Variants in LRP1B observed in about 807,000 individuals in gnomAD.
LRP1B encodes the protein LDL receptor related protein 1B.
Under a neutral mutation model 556.6 loss-of-function variants are expected in LRP1B, and 217 were observed. The observed-to-expected ratio is 0.39, with a 90% CI of 0.35 to 0.44. LRP1B has a LOEUF of 0.44. Among genes scored for constraint, LRP1B ranks in the 20% least tolerant of loss-of-function variants. The probability of loss-of-function intolerance (pLI) is 1.00; values close to 1 mark genes in which losing one functional copy is unlikely to be tolerated. For synonymous variants in LRP1B, 2,047 were observed against 1,865.8 expected, an observed-to-expected ratio of 1.10 and a Z score of -2.50; for missense variants, 5,053 against 5,620.8, an observed-to-expected ratio of 0.90 and a Z score of 3.23.
intron 2 of LRP1B, among the ~76,000 whole-genome samples, chr2:141,729,001 C>T (rs528370272): frequency 6.6e-6 from 1 of 152,284 alleles, no homozygotes; most frequent in East Asian, 1.9e-4. Context: ...ATCAGTCTCT[C>T]TCAATCAGCA....
At chr2:140,325,102 G>A (rs1680401692) in intron 80 of LRP1B, among the ~76,000 whole-genome samples, 1 of 151,958 alleles carries the variant, frequency 6.6e-6, no homozygotes, top group Admixed American at 6.6e-5. Flanking sequence ...TTGAAGTAGG[G>A]AAAAGAAAGT....
intron 11 of LRP1B, among the ~76,000 whole-genome samples, chr2:141,031,401 A>T (rs2105414790): frequency 6.6e-6 from 1 of 151,944 alleles, no homozygotes; most frequent in East Asian, 1.9e-4. Flanking sequence ...TTAATGATCT[A>T]CCTAATCTTT....
intron 1 of LRP1B, among the ~76,000 whole-genome samples, chr2:141,875,031 C>T (rs1268226414): frequency 1.3e-5 from 2 of 151,546 alleles, no homozygotes; most frequent in Admixed American, 6.6e-5. Flanking sequence ...TGAATAAACA[C>T]CATTATTACT....
intron 2 of LRP1B, among the ~76,000 whole-genome samples, chr2:141,502,619 G>T (rs1299358845): frequency 6.6e-6 from 1 of 152,194 alleles, no homozygotes. Flanking sequence ...CCAGCACTTT[G>T]GGAGGCTGAG....
chr2:140,412,793 C>T (rs1685021307), intron 66 of LRP1B, among the ~76,000 whole-genome samples: 1 of 151,912 alleles, frequency 6.6e-6, no homozygotes, highest in African/African-American at 2.4e-5. Flanking sequence ...TCTATCATAC[C>T]ATTAATATGG....
At chr2:140,990,651 G>A (rs1045222451) in intron 16 of LRP1B, among the ~76,000 whole-genome samples, 7 of 151,952 alleles carry the variant, frequency 4.6e-5, no homozygotes, top group Non-Finnish European at 1.0e-4. Context: ...TCCTCATCTG[G>A]GAAGCTGTGC....
intron 15 of LRP1B, among the ~76,000 whole-genome samples, chr2:140,998,005 A>T (rs1223218882): frequency 6.6e-6 from 1 of 152,004 alleles, no homozygotes; most frequent in African/African-American, 2.4e-5. Context: ...GGGCTTCTAA[A>T]CTTTTTACTG....
intron 49 of LRP1B, among the ~76,000 whole-genome samples, chr2:140,520,507 T>C (rs997838489): frequency 1.3e-5 from 2 of 151,928 alleles, no homozygotes; most frequent in African/African-American, 4.8e-5. Flanking sequence ...CTAATGTGGA[T>C]GGCGAGTTGA....
chr2:140,291,160 A>C (rs1453027301), intron 84 of LRP1B, among the ~76,000 whole-genome samples: 1 of 150,814 alleles, frequency 6.6e-6, no homozygotes. Flanking sequence ...AGGAAAAATA[A>C]ATTTCCAAAG....
At chr2:140,243,584 T>C (rs973834204) in intron 87 of LRP1B, among the ~76,000 whole-genome samples, 2 of 151,234 alleles carry the variant, frequency 1.3e-5, no homozygotes, top group African/African-American at 4.8e-5. Context: ...ATTAGCATCC[T>C]TTCTCTTAAG....
intron 66 of LRP1B, among the ~76,000 whole-genome samples, chr2:140,396,164 G>A (rs2105219139): frequency 6.6e-6 from 1 of 152,258 alleles, no homozygotes; most frequent in Non-Finnish European, 1.5e-5. Flanking sequence ...AGTCATCCTT[G>A]AGCCCCTGTT....
intron 66 of LRP1B, among the ~76,000 whole-genome samples, chr2:140,427,556 C>T (rs935807095): frequency 1.1e-4 from 16 of 152,264 alleles, no homozygotes; most frequent in Non-Finnish European, 1.8e-4. Flanking sequence ...AGCCAGAAAA[C>T]GGCACTTTCA....
At chr2:141,471,268 A>ATTT (rs1553518974) in intron 3 of LRP1B, among the ~76,000 whole-genome samples, 5 of 31,884 alleles carry the variant, frequency 1.6e-4, no homozygotes, top group African/African-American at 3.6e-4. Flanking sequence ...ATACCCTGGT[A>ATTT]TTTTTTTTTT....
chr2:140,937,539 C>T (rs1458778887), intron 20 of LRP1B, among the ~76,000 whole-genome samples: 2 of 151,998 alleles, frequency 1.3e-5, no homozygotes, highest in Non-Finnish European at 2.9e-5. Context: ...GATGCTTGTA[C>T]AACAATATGA....
chr2:140,892,264 C>T (rs896593891), intron 23 of LRP1B, among the ~76,000 whole-genome samples: 2 of 152,212 alleles, frequency 1.3e-5, no homozygotes, highest in East Asian at 1.9e-4. Flanking sequence ...ACAAACAGGA[C>T]TTGTTCAACA....
At chr2:140,851,424 G>T (rs1692451899) in intron 28 of LRP1B, among the ~76,000 whole-genome samples, 1 of 152,006 alleles carries the variant, frequency 6.6e-6, no homozygotes, top group African/African-American at 2.4e-5. Context: ...AATCAATAAG[G>T]TAACAAATAA....
intron 1 of LRP1B, among the ~76,000 whole-genome samples, chr2:142,021,212 A>C (rs1328371314): frequency 1.3e-5 from 2 of 152,180 alleles, no homozygotes; most frequent in African/African-American, 2.4e-5. Context: ...TGAAGGATGC[A>C]ATATTACTGG....
chr2:141,930,493 A>G (rs1236756781), intron 1 of LRP1B, among the ~76,000 whole-genome samples: 2 of 152,006 alleles, frequency 1.3e-5, no homozygotes, highest in Admixed American at 1.3e-4. Flanking sequence ...CTCAGGGACT[A>G]TTTAGTGAAC....
At chr2:142,031,327 C>CTTTTTTTTTTTTTTTTTTTTTTTT in intron 1 of LRP1B, among the ~76,000 whole-genome samples, 1 of 44,410 alleles carries the variant, frequency 2.3e-5, no homozygotes, top group Middle Eastern at 0.012. Flanking sequence ...GTTGATTATA[C>CTTTTTTTTTTTTTTTTTTTTTTTT]TTATTTTTTT....
Sources: gnomAD v4.1 joint callset for allele counts (sites outside exome capture counted in the v4.1 genomes callset) on GRCh38, gnomAD v4.1.1 for gene constraint, MANE v1.5 for transcripts, NCBI Gene and HGNC (gene_info 2026-07-23, HGNC 2026-07-21) for gene names.